HSPH1: variants seen among roughly 807,000 people sequenced by gnomAD.
The protein encoded by HSPH1 is heat shock protein family H (Hsp110) member 1.
Under a neutral mutation model 100.0 loss-of-function variants are expected in HSPH1, and 40 were observed. That is an observed-to-expected ratio of 0.40 (90% confidence interval 0.31 to 0.52). HSPH1 has a LOEUF of 0.52. HSPH1 is among the 20% of genes least tolerant of loss of function. The pLI is 0.54. For missense variants in HSPH1, 876 were observed against 1,015.1 expected (o/e 0.86, Z 1.86); for synonymous variants, 403 against 344.0 (o/e 1.17, Z -1.90).
chr13:31,152,803 CT>C (rs1956534974), intron 5 of HSPH1, 48 bp downstream of exon 5: 1 of 1,229,902 alleles, frequency 8.1e-7, no homozygotes, highest in East Asian at 2.3e-5. Flanking sequence ...CTGAGAACAT[CT>C]TTAGTTCTGA....
rs369211372 is a variant in HSPH1 at position 31,152,831 on chromosome 13, A to G, written c.529+21T>C. 1.8e-4 allele frequency: 272 copies of G among 1,500,818 alleles called. 1 individual carries two copies. Among genetic ancestry groups the G allele is most frequent in the Non-Finnish European group, 2.4e-4 (254 of 1,077,244 alleles). The allele number at this position is 1,500,818 out of a possible 1,614,324, so 93.0% of individuals were successfully genotyped here. ...TAGTTCTGATAGTATATTCACTTCC[A>G]CACAAATGCCTTTTCCTTACCAGCT... On this transcript the variant is annotated intron_variant, in intron 5 of 17. Coordinates refer to ENST00000320027, the MANE Select transcript of HSPH1 (RefSeq NM_006644.4).
At chr13:31,153,129 T>C (rs1221550523) in intron 4 of HSPH1, among the ~76,000 whole-genome samples, 178 bp from the exon 5 acceptor site, 1 of 152,180 alleles carries the variant, frequency 6.6e-6, no homozygotes. Context: ...AGTAACTACT[T>C]TTGAAAAGGC....
At chr13:31,154,555 C>T in intron 4 of HSPH1, 78 bp downstream of exon 4, 1 of 1,520,146 alleles carries the variant, frequency 6.6e-7, no homozygotes. Flanking sequence ...GAACAGCTTT[C>T]CCACATTTCA....
At chr13:31,149,529 G>T (rs986350788) in intron 8 of HSPH1, among the ~76,000 whole-genome samples, 1 of 151,942 alleles carries the variant, frequency 6.6e-6, no homozygotes, top group Non-Finnish European at 1.5e-5. Flanking sequence ...ATCAATTTGG[G>T]GATAAGAGAG....
chr13:31,145,745 A>C lies in HSPH1; in HGVS notation c.1402T>G (p.Ser468Ala), dbSNP rs147132022. Residue 468 changes from serine (S) to alanine (A), a missense_variant, in exon 11 of 18, where the codon TCT becomes GCT. Coordinates refer to ENST00000320027, the MANE Select transcript of HSPH1 (RefSeq NM_006644.4). ...GATTTTTCTCCATCTTTCTGTGCAG[A>C]AACATTCTGAACTACAAAGCGGCCT... Reference protein sequence around the residue: ...KIGRFVVQNVSAQKDGEKSRV... With the variant: ...KIGRFVVQNVAAQKDGEKSRV... 1.5e-4 allele frequency: 250 copies of C among 1,613,410 alleles called. No individual in the cohort carries two copies. Among genetic ancestry groups the C allele is most frequent in the Non-Finnish European group, 2.0e-4 (239 of 1,179,676 alleles).
chr13:31,154,822 C>A (rs1261339854), intron 3 of HSPH1, 67 bp from the exon 4 acceptor site: 2 of 1,382,072 alleles, frequency 1.4e-6, no homozygotes, highest in Non-Finnish European at 1.0e-6. Context: ...TATTTAACTT[C>A]CAAAAATTAG....
At chr13:31,146,447 C>G (rs909771583) in intron 10 of HSPH1, among the ~76,000 whole-genome samples, 17 of 152,132 alleles carry the variant, frequency 1.1e-4, no homozygotes, top group African/African-American at 4.1e-4. Flanking sequence ...GATGGGTGAG[C>G]ACAAACTGGA....
At chr13:31,139,240 TAC>T (rs1593712312) in intron 14 of HSPH1, 133 bp from the exon 15 acceptor site, 3 of 630,122 alleles carry the variant, frequency 4.8e-6, no homozygotes, top group Non-Finnish European at 8.6e-6. Flanking sequence ...TCTGCCTTGT[TAC>T]ACAGAGACCT....
chr13:31,138,596 T>C (rs1321900110), intron 16 of HSPH1, 28 bp from the exon 17 acceptor site: 5 of 1,585,754 alleles, frequency 3.2e-6, no homozygotes, highest in South Asian at 2.3e-5. Flanking sequence ...GGTCATTCTG[T>C]AGAATTTATT....
intron 14 of HSPH1, 141 bp downstream of exon 14, chr13:31,140,043 G>A (rs1956032163): frequency 3.0e-5 from 23 of 773,778 alleles, no homozygotes; most frequent in Non-Finnish European, 4.2e-5. Flanking sequence ...TCAGCAACAA[G>A]CCTTTCTCCA....
Position 31,148,003 on chromosome 13 carries a change from A to C in HSPH1, c.1334T>G (p.Phe445Cys). ...LRRGPFELEA[F>C]YSDPQGVPYP... Reference sequence around the variant, plus strand: ...TGGAACTCCTTGGGGATCAGAATAGAAAGCTTCTAGCTCAAAAGGCCCCCT... The same window carrying C: ...TGGAACTCCTTGGGGATCAGAATAGCAAGCTTCTAGCTCAAAAGGCCCCCT... The change falls in exon 10 of 18, where the codon TTC becomes TGC. Residue 445 changes from phenylalanine to cysteine, a missense_variant. Phe to Cys is a radical substitution (Grantham distance 205, BLOSUM62 -2). Coordinates refer to ENST00000320027, the MANE Select transcript of HSPH1 (RefSeq NM_006644.4). The C allele has an allele frequency of 1.2e-6, 2 of 1,609,752 alleles. No individual in the cohort carries two copies. The highest frequency in any genetic ancestry group is 1.7e-6 in the Non-Finnish European group (2 of 1,178,596).
At chr13:31,157,776 C>CATA (rs1488754277) in intron 2 of HSPH1, among the ~76,000 whole-genome samples, 1 of 152,102 alleles carries the variant, frequency 6.6e-6, no homozygotes, top group African/African-American at 2.4e-5. Context: ...ATATGTAAGT[C>CATA]ATAAAGGAGA....
chr13:31,155,874 G>A (rs1328962831), intron 2 of HSPH1, among the ~76,000 whole-genome samples: 3 of 152,166 alleles, frequency 2.0e-5, no homozygotes, highest in Non-Finnish European at 2.9e-5. Flanking sequence ...TAAGCAGCAA[G>A]AGGGAACAAG....
chr13:31,161,369 A>C (rs2137677189), intron 1 of HSPH1, 107 bp downstream of exon 1: 2 of 1,508,832 alleles, frequency 1.3e-6, no homozygotes, highest in Non-Finnish European at 1.8e-6. Flanking sequence ...CCGCTGCCCA[A>C]ACGCCTCCGT....
At chr13:31,150,702 T>A (rs936507223) in intron 7 of HSPH1, among the ~76,000 whole-genome samples, 20 of 152,142 alleles carry the variant, frequency 1.3e-4, no homozygotes, top group African/African-American at 4.8e-4. Context: ...AAAGTGAAAA[T>A]ACCACGAAGA....
At chr13:31,140,637 T>C (rs1956055343) in intron 13 of HSPH1, 1 of 197,844 alleles carries the variant, frequency 5.1e-6, no homozygotes, top group South Asian at 1.3e-4. Context: ...TTCAGATTAA[T>C]ACTGGCCAAT....
intron 1 of HSPH1, among the ~76,000 whole-genome samples, chr13:31,160,601 TTGC>T (rs1956861792): frequency 6.6e-6 from 1 of 152,218 alleles, no homozygotes; most frequent in South Asian, 2.1e-4. Context: ...TTCACGAAAC[TTGC>T]TTTTTAAAAT....
intron 17 of HSPH1, 50 bp downstream of exon 17, chr13:31,138,357 C>G: frequency 6.4e-7 from 1 of 1,563,022 alleles, no homozygotes; most frequent in Non-Finnish European, 8.7e-7. Flanking sequence ...ATGATTGCAA[C>G]TTGAGTCCGT....
intron 8 of HSPH1, among the ~76,000 whole-genome samples, chr13:31,149,707 A>G (rs933904339): frequency 2.6e-5 from 4 of 152,194 alleles, no homozygotes; most frequent in African/African-American, 9.6e-5. Flanking sequence ...GTTTTCTGTG[A>G]TATCCTCAGA....
Sources: allele counts gnomAD v4.1 joint callset (sites outside exome capture counted in the v4.1 genomes callset), GRCh38; gene constraint gnomAD v4.1.1; transcripts MANE v1.5; gene names NCBI Gene and HGNC (gene_info 2026-07-23, HGNC 2026-07-21).